Variants in NCAN observed in about 807,000 individuals in gnomAD.
NCAN encodes neurocan.
NCAN carries 47 observed loss-of-function variants against 121.8 expected under a neutral mutation model. The ratio of observed to expected loss-of-function variants is 0.39; its 90% CI spans 0.31 to 0.49. NCAN has a LOEUF of 0.49. Among genes scored for constraint, NCAN ranks in the 20% least tolerant of loss-of-function variants. The probability of loss-of-function intolerance (pLI) is 0.92; values close to 1 mark genes in which losing one functional copy is unlikely to be tolerated. For missense variants in NCAN, 1,517 were observed against 1,773.4 expected (o/e 0.86, Z 2.60); for synonymous variants, 633 against 702.0 (o/e 0.90, Z 1.55).
At chr19:19,222,130 T>C (rs1308478622) in intron 3 of NCAN, among the ~76,000 whole-genome samples, 6 of 152,120 alleles carry the variant, frequency 3.9e-5, no homozygotes, top group African/African-American at 1.2e-4. Flanking sequence ...TCTTACCACA[T>C]AGTTTATGGA....
At chr19:19,234,952 C>T (rs1299846481) in intron 9 of NCAN, 31 bp from the exon 10 acceptor site, 1 of 1,480,796 alleles carries the variant, frequency 6.8e-7, no homozygotes, top group Non-Finnish European at 9.4e-7. Flanking sequence ...GGAAGCTGAC[C>T]TCTAACTCAG....
chr19:19,235,008 C>T lies in NCAN; in HGVS notation c.3162C>T (p.Pro1054=). The T allele has an allele frequency of 1.9e-6, 3 of 1,612,106 alleles. No homozygotes were observed. Among genetic ancestry groups the T allele is most frequent in the Non-Finnish European group, 2.5e-6 (3 of 1,178,606 alleles). ...ACATTGATGACTGCCTCTGCAGCCC[C>T]TGTGAGAATGGAGGCACCTGTATTG... ...EIDIDDCLCS[P]CENGGTCIDE... is the part of the protein sequence containing the mutation. The change falls in exon 10 of 15, where the codon CCC becomes CCT. Residue 1054 remains proline (P), a synonymous_variant. Coordinates refer to ENST00000252575, the MANE Select transcript of NCAN (RefSeq NM_004386.3).
intron 9 of NCAN, 132 bp downstream of exon 9, chr19:19,234,037 C>A: frequency 1.6e-6 from 1 of 610,580 alleles, no homozygotes; most frequent in Non-Finnish European, 3.0e-6. Context: ...TTCCCAAACC[C>A]CACTCCTTGC....
intron 9 of NCAN, 57 bp from the exon 10 acceptor site, chr19:19,234,926 G>A: frequency 8.9e-7 from 1 of 1,123,074 alleles, no homozygotes; most frequent in South Asian, 1.4e-5. Context: ...TTTCCTGTGG[G>A]GGCTCAGAGC....
intron 1 of NCAN, among the ~76,000 whole-genome samples, chr19:19,216,435 C>T (rs968648238): frequency 2.6e-5 from 4 of 152,154 alleles, no homozygotes; most frequent in African/African-American, 9.7e-5. Context: ...CCTCAGCCTC[C>T]TGAGTAGCTG....
chr19:19,245,307 C>T lies in NCAN; in HGVS notation c.3493-6C>T. On this transcript the variant is annotated splice_polypyrimidine_tract_variant and splice_region_variant and intron_variant, in intron 12 of 14. Coordinates refer to ENST00000252575, the MANE Select transcript of NCAN (RefSeq NM_004386.3). ...CTGAACAACTCCCTGCCCCCTATTC[C>T]TGCAGCAATTTGAGAACTGGCGAGA... 3 of 1,613,840 alleles carry T rather than the reference C, an allele frequency of 1.9e-6. No individual in the cohort carries two copies. The highest frequency in any genetic ancestry group is 2.5e-6 in the Non-Finnish European group (3 of 1,179,810).
chr19:19,223,010 G>A (rs1189746691), intron 3 of NCAN, among the ~76,000 whole-genome samples: 2 of 152,196 alleles, frequency 1.3e-5, no homozygotes, highest in Non-Finnish European at 2.9e-5. Context: ...TTGGGAGGCT[G>A]AGGCAGGAGA....
intron 8 of NCAN, among the ~76,000 whole-genome samples, chr19:19,231,843 A>G (rs971782631): frequency 6.6e-6 from 1 of 151,972 alleles, no homozygotes; most frequent in African/African-American, 2.4e-5. Context: ...TTAGCCGGGC[A>G]TGGTGGGTAC....
rs761949697 is a variant in NCAN, at chr19:19,227,879, C to T, written c.2259C>T (p.Ile753=). ...CTGAGCCAACGGGCCTCAGGGGTATCCCGGGGTCTGAGTCTGGGGTCTTCG... is the reference window on the plus strand; with the variant it reads ...CTGAGCCAACGGGCCTCAGGGGTATTCCGGGGTCTGAGTCTGGGGTCTTCG... ...TATEPTGLRG[I]PGSESGVFDT... The change falls in exon 8 of 15, where the codon ATC becomes ATT. Residue 753 remains isoleucine (I), a synonymous_variant. Coordinates refer to ENST00000252575, the MANE Select transcript of NCAN (RefSeq NM_004386.3). This position sits in a 1 kb window ranked among gnomAD's most constrained non-coding sequence, Gnocchi z 4.2. 6.2e-7 allele frequency: 1 copy of T among 1,613,722 alleles called. No homozygotes were observed. The highest frequency in any genetic ancestry group is 1.1e-5 in the South Asian group (1 of 91,086).
chr19:19,219,691 A>AAAAAG lies in NCAN; in HGVS notation c.475+376_475+377insAAAGA, dbSNP rs1484526617. 2.0e-5 allele frequency among the ~76,000 whole-genome samples: 3 copies of AAAAAG among 149,818 alleles called. No homozygotes were observed. In the East Asian group the frequency reaches 5.9e-4, roughly 29 times the overall value. Reference sequence around the variant, plus strand: ...CTGTCACAAAAAAAAAAAAAAAAAAAAGGAAAGAAATCACTCTCTGAACCG... The same window carrying AAAAAG: ...CTGTCACAAAAAAAAAAAAAAAAAAAAAAAGAGGAAAGAAATCACTCTCTGAACCG... On this transcript the variant is annotated intron_variant, in intron 3 of 14. Coordinates refer to ENST00000252575, the MANE Select transcript of NCAN (RefSeq NM_004386.3).
rs371926857 is a variant in NCAN at position 19,238,226 on chromosome 19, C to A, written c.3251-27C>A. On this transcript the variant is annotated intron_variant, in intron 10 of 14. Coordinates refer to ENST00000252575, the MANE Select transcript of NCAN (RefSeq NM_004386.3). ...TAGGCCTTGGGCCAAGGCCAGCCCC[C>A]CCTCACGCTCCTATCCCATCTCCCA... 2.5e-6 allele frequency: 4 copies of A among 1,613,564 alleles called. No individual in the cohort carries two copies. In the Admixed American group the frequency reaches 5.0e-5, roughly 20 times the overall value.
At chr19:19,241,155 C>T (rs1228767017) in intron 12 of NCAN, among the ~76,000 whole-genome samples, 1 of 151,988 alleles carries the variant, frequency 6.6e-6, no homozygotes, top group Non-Finnish European at 1.5e-5. Flanking sequence ...ACTCAGGAGG[C>T]TGAGGCGTGA....
intron 14 of NCAN, 29 bp from the exon 15 acceptor site, chr19:19,249,737 C>A: frequency 6.4e-7 from 1 of 1,572,774 alleles, no homozygotes; most frequent in South Asian, 1.2e-5. Flanking sequence ...CCTTTTGTCC[C>A]TTCCCTGTCC....
chr19:19,213,414 A>C (rs1377703337), intron 1 of NCAN, among the ~76,000 whole-genome samples: 1 of 146,102 alleles, frequency 6.8e-6, no homozygotes, highest in Non-Finnish European at 1.5e-5. Flanking sequence ...CCAAGGCCAC[A>C]ATTATCCATC....
intron 11 of NCAN, chr19:19,238,695 A>G: frequency 2.1e-6 from 1 of 467,630 alleles, no homozygotes; most frequent in Non-Finnish European, 3.9e-6. Flanking sequence ...AGCAGCAATC[A>G]AGGCTGACTT....
At chr19:19,245,161 G>A in intron 12 of NCAN, 152 bp from the exon 13 acceptor site, 1 of 923,978 alleles carries the variant, frequency 1.1e-6, no homozygotes, top group Non-Finnish European at 1.6e-6. Context: ...GCCCCCGTCA[G>A]GATGGGCAGG....
chr19:19,220,916 AAAAC>A (rs146994215), intron 3 of NCAN, among the ~76,000 whole-genome samples: 147 of 152,192 alleles, frequency 9.7e-4, no homozygotes, highest in Non-Finnish European at 1.4e-3. Flanking sequence ...TAGAAAAACA[AAAAC>A]AAACAAACAA....
chr19:19,230,531 A>AGCAGCTGG (rs958431507), intron 8 of NCAN, among the ~76,000 whole-genome samples: 6 of 149,894 alleles, frequency 4.0e-5, no homozygotes, highest in African/African-American at 1.5e-4. Context: ...CAGGCTCCCA[A>AGCAGCTGG]GCAGCTGGGA....
At chr19:19,238,523 C>A in intron 11 of NCAN, 112 bp downstream of exon 11, 1 of 1,338,458 alleles carries the variant, frequency 7.5e-7, no homozygotes, top group Non-Finnish European at 1.1e-6. Context: ...CGTCATCTTT[C>A]CAAAGCTGTG....
Sources: allele counts gnomAD v4.1 joint callset (sites outside exome capture counted in the v4.1 genomes callset), GRCh38; gene constraint gnomAD v4.1.1; non-coding constraint Gnocchi (gnomAD v3.1); transcripts MANE v1.5; gene names NCBI Gene and HGNC (gene_info 2026-07-23, HGNC 2026-07-21).